Variants in TRDN observed in about 807,000 individuals in gnomAD.
TRDN encodes triadin in skeletal muscle.
A neutral mutation model predicts 149.7 loss-of-function variants in TRDN; 161 were observed. The ratio of observed to expected loss-of-function variants is 1.08; its 90% CI spans 0.95 to 1.23. TRDN has a LOEUF of 1.23. Among genes scored for constraint, TRDN ranks in the 50% most tolerant of loss-of-function variants. The pLI, the probability that TRDN is intolerant of heterozygous loss-of-function variation, is 0.00. For missense variants in TRDN, 896 were observed against 823.5 expected, an observed-to-expected ratio of 1.09 and a Z score of -1.08; for synonymous variants, 294 against 250.5, an observed-to-expected ratio of 1.17 and a Z score of -1.64.
intron 12 of TRDN, among the ~76,000 whole-genome samples, chr6:123,420,829 C>T (rs1773866171): frequency 6.6e-6 from 1 of 152,102 alleles, no homozygotes; most frequent in Non-Finnish European, 1.5e-5. Context: ...AAAGGAACCA[C>T]ATTATAAATT....
intron 25 of TRDN, 117 bp downstream of exon 25, chr6:123,278,939 C>T: frequency 1.0e-6 from 1 of 990,500 alleles, no homozygotes; most frequent in Non-Finnish European, 1.4e-6. Context: ...AAGCCTTTGA[C>T]TTTAAGCAAA....
intron 21 of TRDN, chr6:123,350,034 G>A: frequency 1.0e-6 from 1 of 984,982 alleles, no homozygotes; most frequent in Non-Finnish European, 1.2e-6. Context: ...CTTAATTTAA[G>A]GCAAAGTTGA....
At chr6:123,344,232 A>G (rs1780170866) in intron 21 of TRDN, among the ~76,000 whole-genome samples, 1 of 152,070 alleles carries the variant, frequency 6.6e-6, no homozygotes, top group Non-Finnish European at 1.5e-5. Flanking sequence ...ATCCCTCAAG[A>G]GTGTGGTACA....
chr6:123,384,728 TC>T (rs754875889), intron 14 of TRDN, among the ~76,000 whole-genome samples: 1 of 152,120 alleles, frequency 6.6e-6, no homozygotes, highest in Non-Finnish European at 1.5e-5. Context: ...CAAATGAAAC[TC>T]AAAATGTCAT....
rs372075315 is a variant in TRDN, at chr6:123,397,986, G to A, written c.1052-4309C>T. Among the ~76,000 whole-genome samples, 409 of 152,170 alleles carry A rather than the reference G, an allele frequency of 2.7e-3. 3 individuals are homozygous for A. Among genetic ancestry groups the A allele is most frequent in the African/African-American group, 9.2e-3 (381 of 41,536 alleles). ...CTTGCTACTTCATCAATATTACAAG[G>A]AACTTAGACTGTTCTTATTTTCTTT... On this transcript the variant is annotated intron_variant, in intron 12 of 40. Coordinates refer to ENST00000334268, the MANE Select transcript of TRDN (RefSeq NM_006073.4).
chr6:123,349,517 A>G (rs1284869574), intron 21 of TRDN: 3 of 898,072 alleles, frequency 3.3e-6, no homozygotes, highest in Non-Finnish European at 4.0e-6. Context: ...GGTCAACAGC[A>G]TGACTTAGTC....
rs77671882 is a variant in TRDN, at chr6:123,264,652, C to G, written c.1804+666G>C. Among the ~76,000 whole-genome samples the G allele has an allele frequency of 3.6e-3, 487 of 133,678 alleles. 18 individuals are homozygous for G. The East Asian group carries it at 0.093, about 25-fold the overall frequency. 87.7% of individuals were successfully genotyped at this position (133,678 alleles called of 152,430 possible). Reference sequence around the variant, plus strand: ...AGTAAAATGCTGTCAAATAGCCATACGAACTACAGAGAAATCTTTTGTCAG... The same window carrying G: ...AGTAAAATGCTGTCAAATAGCCATAGGAACTACAGAGAAATCTTTTGTCAG... On this transcript the variant is annotated intron_variant, in intron 33 of 40. Transcript: ENST00000334268.
chr6:123,413,963 G>T (rs1381187085), intron 12 of TRDN, among the ~76,000 whole-genome samples: 1 of 152,044 alleles, frequency 6.6e-6, no homozygotes, highest in African/African-American at 2.4e-5. Context: ...GTTAGTAAAG[G>T]TTCAAGGGGT....
rs1240646806 is a variant in TRDN at position 123,604,830 on chromosome 6, A to G, written c.22+31924T>C. ...TCTATTTCTAGAAAGTAGGTAAATAAACAGACAGTGGTGTCATTCACCACT... is the reference window on the plus strand; with the variant it reads ...TCTATTTCTAGAAAGTAGGTAAATAGACAGACAGTGGTGTCATTCACCACT... On this transcript the variant is annotated intron_variant, in intron 1 of 40. Transcript: ENST00000334268. 1.0e-4 allele frequency among the ~76,000 whole-genome samples: 9 copies of G among 86,396 alleles called. No homozygotes were observed. In the East Asian group the frequency reaches 1.8e-3, roughly 18 times the overall value. 56.7% of individuals were successfully genotyped at this position (86,396 alleles called of 152,430 possible). A position where few individuals can be genotyped will look rare whatever the true frequency, so the allele number is the denominator to read the frequency against.
intron 10 of TRDN, among the ~76,000 whole-genome samples, chr6:123,461,729 T>C (rs1776460361): frequency 6.6e-6 from 1 of 152,196 alleles, no homozygotes; most frequent in African/African-American, 2.4e-5. Flanking sequence ...TTCTGAGAAA[T>C]ACAGTTCTTG....
intron 26 of TRDN, among the ~76,000 whole-genome samples, chr6:123,275,615 G>A (rs1361375530): frequency 3.3e-5 from 5 of 152,124 alleles, no homozygotes; most frequent in Non-Finnish European, 5.9e-5. Context: ...GAACATAGGT[G>A]CTGCTGAAAC....
chr6:123,597,444 A>T (rs1784089347), intron 1 of TRDN, among the ~76,000 whole-genome samples: 1 of 152,108 alleles, frequency 6.6e-6, no homozygotes, highest in African/African-American at 2.4e-5. Context: ...ATATTTTATA[A>T]ACTTAGTAAA....
At chr6:123,426,107 T>C (rs1418398763) in intron 12 of TRDN, among the ~76,000 whole-genome samples, 5 of 152,122 alleles carry the variant, frequency 3.3e-5, no homozygotes, top group Non-Finnish European at 5.9e-5. Flanking sequence ...TTGAAACCAC[T>C]GTATTGCATT....
Position 123,377,715 on chromosome 6 carries a change from C to T in TRDN, c.1246+1G>A. On this transcript the variant is annotated splice_donor_variant, in intron 18 of 40. Coordinates refer to ENST00000334268, the MANE Select transcript of TRDN (RefSeq NM_006073.4). LOFTEE classifies it high-confidence loss of function. ...AATCCAGCAACAGTGGTCTTACTCA[C>T]CTGAGTGTTCTTTCTTTGGTGACTT... The T allele has an allele frequency of 6.2e-7, 1 of 1,613,046 alleles. No individual in the cohort carries two copies. The highest frequency in any genetic ancestry group is 8.5e-7 in the Non-Finnish European group (1 of 1,179,558).
At position 123,600,513 on chromosome 6, in the gene TRDN, C is replaced by G. The variant is rs1784231591; in HGVS notation, c.23-29381G>C. On this transcript the variant is annotated intron_variant, in intron 1 of 40. Coordinates refer to ENST00000334268, the MANE Select transcript of TRDN (RefSeq NM_006073.4). ...GGACAATGGAGAAAATGGGTGGAGT[C>G]CTGGCAGTGGGGGCCTGAAAAAAGG... Among the ~76,000 whole-genome samples the G allele has an allele frequency of 2.0e-5, 3 of 151,956 alleles. No individual in the cohort carries two copies. The South Asian group carries it at 6.2e-4, about 32-fold the overall frequency.
chr6:123,499,338 G>A (rs1778580020), intron 8 of TRDN, among the ~76,000 whole-genome samples: 1 of 152,012 alleles, frequency 6.6e-6, no homozygotes, highest in African/African-American at 2.4e-5. Context: ...GCTGAATGCT[G>A]ACAATGTAAT....
intron 1 of TRDN, among the ~76,000 whole-genome samples, chr6:123,582,357 G>A (rs1783164648): frequency 6.6e-6 from 1 of 152,144 alleles, no homozygotes. Context: ...CGTGTGAAGA[G>A]ACCACCAAAC....
intron 20 of TRDN, among the ~76,000 whole-genome samples, chr6:123,359,337 G>A (rs1780809051): frequency 6.6e-6 from 1 of 152,154 alleles, no homozygotes; most frequent in South Asian, 2.1e-4. Context: ...AAGGATATAG[G>A]AGCCAGTTCT....
chr6:123,587,435 A>G (rs541115702), intron 1 of TRDN, among the ~76,000 whole-genome samples: 16 of 152,286 alleles, frequency 1.1e-4, no homozygotes, highest in Non-Finnish European at 1.9e-4. Flanking sequence ...AGGTTGGAGA[A>G]GAGAGTAAGA....
Sources: gnomAD v4.1 joint callset for allele counts (sites outside exome capture counted in the v4.1 genomes callset) on GRCh38, gnomAD v4.1.1 for gene constraint, MANE v1.5 for transcripts, NCBI Gene and HGNC (gene_info 2026-07-23, HGNC 2026-07-21) for gene names.